Variants in KCMF1 observed in about 807,000 individuals in gnomAD.
KCMF1 encodes the protein E3 ubiquitin-protein ligase KCMF1.
Under a neutral mutation model 41.1 loss-of-function variants are expected in KCMF1, and 3 were observed. The observed-to-expected ratio is 0.07, with a 90% CI of 0.03 to 0.19. The LOEUF is 0.19. Ranked by LOEUF, KCMF1 falls within the 10% of genes least tolerant of loss-of-function variation. KCMF1 has a pLI of 1.00. For missense variants in KCMF1, 286 were observed against 488.9 expected (o/e 0.58, Z 3.91); for synonymous variants, 142 against 164.5 (o/e 0.86, Z 1.04).
rs796198811 is a variant in KCMF1 at position 85,008,305 on chromosome 2, A to T, written c.17-19584A>T. Among the ~76,000 whole-genome samples the T allele has an allele frequency of 2.4e-3, 22 of 9,034 alleles. 2 individuals are homozygous for T. Among genetic ancestry groups the T allele is most frequent in the African/African-American group, 5.6e-3 (22 of 3,894 alleles). The allele number at this position is 9,034 out of a possible 152,430, so 5.9% of individuals were successfully genotyped here. On this transcript the variant is annotated intron_variant, in intron 1 of 6. Coordinates refer to ENST00000409785, the MANE Select transcript of KCMF1 (RefSeq NM_020122.5). Reference sequence around the variant, plus strand: ...ATGATATATAATATATATAATATATAATATGATATATATATCATATATAAT... The same window carrying T: ...ATGATATATAATATATATAATATATTATATGATATATATATCATATATAAT...
chr2:85,002,635 T>C (rs1405539729), intron 1 of KCMF1, among the ~76,000 whole-genome samples: 2 of 151,610 alleles, frequency 1.3e-5, no homozygotes, highest in Non-Finnish European at 2.9e-5. Flanking sequence ...TTCACTAATA[T>C]CCCTTTTCTG....
At chr2:84,985,949 T>G (rs561202720) in intron 1 of KCMF1, among the ~76,000 whole-genome samples, 1 of 152,298 alleles carries the variant, frequency 6.6e-6, no homozygotes, top group South Asian at 2.1e-4. Context: ...GTCACATACA[T>G]ATGTAATGAA....
chr2:84,994,189 C>G (rs1361922376), intron 1 of KCMF1, among the ~76,000 whole-genome samples: 1 of 152,134 alleles, frequency 6.6e-6, no homozygotes, highest in Non-Finnish European at 1.5e-5. Flanking sequence ...ACCCTGTGAT[C>G]CGCCCATCTC....
intron 3 of KCMF1, among the ~76,000 whole-genome samples, chr2:85,043,263 C>G (rs988203456): frequency 2.0e-5 from 3 of 151,792 alleles, no homozygotes; most frequent in Non-Finnish European, 4.4e-5. Flanking sequence ...CTAAATAGCA[C>G]ATTTTAAAGT....
In KCMF1 at chr2:85,056,826, TTC is replaced by T. The variant is rs1367747284; in HGVS notation, c.*3419_*3420del. The T allele has an allele frequency of 6.6e-6, 1 of 152,200 alleles. No individual in the cohort carries two copies. The highest frequency in any genetic ancestry group is 1.5e-5 in the Non-Finnish European group (1 of 68,032). 9.4% of individuals were successfully genotyped at this position (152,200 alleles called of 1,614,324 possible). Reference sequence around the variant, plus strand: ...TGTTTACTATATATGACATGCCTGTTTCTTAGTTTGCATGCACAGTTTAAGGG... The same window carrying T: ...TGTTTACTATATATGACATGCCTGTTTTAGTTTGCATGCACAGTTTAAGGG... On this transcript the variant is annotated 3_prime_UTR_variant, in exon 7 of 7. Coordinates refer to ENST00000409785, the MANE Select transcript of KCMF1 (RefSeq NM_020122.5).
chr2:85,011,911 A>G (rs1674662111), intron 1 of KCMF1, among the ~76,000 whole-genome samples: 1 of 152,192 alleles, frequency 6.6e-6, no homozygotes, highest in Non-Finnish European at 1.5e-5. Flanking sequence ...TGTCCCGCTA[A>G]TAGTTAGAAC....
rs189632373 is a variant in KCMF1, at chr2:84,987,931, T to C, written c.16+16464T>C. On this transcript the variant is annotated intron_variant, in intron 1 of 6. Transcript: ENST00000409785. ...TACTTGTCTGTCTGCTTTAAAAATGTAGGCTTCTGCCGGGCACAGTGGCTC... is the reference window on the plus strand; with the variant it reads ...TACTTGTCTGTCTGCTTTAAAAATGCAGGCTTCTGCCGGGCACAGTGGCTC... 3.3e-4 allele frequency among the ~76,000 whole-genome samples: 50 copies of C among 152,186 alleles called. No individual in the cohort carries two copies. In the East Asian group the frequency reaches 9.5e-3, roughly 29 times the overall value.
chr2:85,046,664 GTTC>G (rs1399126894), intron 5 of KCMF1, among the ~76,000 whole-genome samples: 1 of 151,556 alleles, frequency 6.6e-6, no homozygotes, highest in Non-Finnish European at 1.5e-5. Context: ...TGAGATTTGT[GTTC>G]TTAAGTCTCA....
intron 2 of KCMF1, among the ~76,000 whole-genome samples, chr2:85,029,796 C>T (rs1444221797): frequency 6.6e-6 from 1 of 151,232 alleles, no homozygotes; most frequent in Non-Finnish European, 1.5e-5. Flanking sequence ...ATTCTCCTGC[C>T]TCAGCCTCCT....
chr2:85,000,652 GA>G (rs1213786625), intron 1 of KCMF1, among the ~76,000 whole-genome samples: 10 of 151,926 alleles, frequency 6.6e-5, no homozygotes, highest in Admixed American at 6.6e-4. Context: ...AATCCTAAAT[GA>G]AGCAAAACAA....
At chr2:84,987,924 A>T (rs915806126) in intron 1 of KCMF1, among the ~76,000 whole-genome samples, 2 of 152,146 alleles carry the variant, frequency 1.3e-5, no homozygotes, top group Non-Finnish European at 2.9e-5. Context: ...TGTCTGCTTT[A>T]AAAATGTAGG....
At chr2:85,026,501 A>ATTATTT (rs1675109860) in intron 1 of KCMF1, among the ~76,000 whole-genome samples, 3 of 141,498 alleles carry the variant, frequency 2.1e-5, no homozygotes, top group African/African-American at 8.0e-5. Context: ...TATTATTTTT[A>ATTATTT]TTTTTTCCAG....
intron 1 of KCMF1, among the ~76,000 whole-genome samples, chr2:85,008,255 T>TAA (rs1491266401): frequency 1.4e-4 from 9 of 64,022 alleles, no homozygotes; most frequent in African/African-American, 5.4e-4. Context: ...ATGATATATA[T>TAA]TATATATCAT....
At chr2:85,028,744 C>T (rs899898808) in intron 2 of KCMF1, among the ~76,000 whole-genome samples, 11 of 150,316 alleles carry the variant, frequency 7.3e-5, no homozygotes, top group African/African-American at 2.7e-4. Context: ...CTGCCTCGGC[C>T]TCCAAAGTGC....
intron 1 of KCMF1, among the ~76,000 whole-genome samples, chr2:84,985,469 ATTT>A (rs1673877754): frequency 6.6e-6 from 1 of 152,112 alleles, no homozygotes; most frequent in Admixed American, 6.6e-5. Context: ...CTATTACTCT[ATTT>A]AACTGATGTT....
chr2:84,980,141 T>G (rs982713944), intron 1 of KCMF1, among the ~76,000 whole-genome samples: 3 of 152,126 alleles, frequency 2.0e-5, no homozygotes, highest in African/African-American at 4.8e-5. Flanking sequence ...CAGTTATTTT[T>G]ATATGTTAGC....
intron 3 of KCMF1, among the ~76,000 whole-genome samples, chr2:85,036,242 C>G (rs1171287031): frequency 6.6e-6 from 1 of 152,192 alleles, no homozygotes; most frequent in Non-Finnish European, 1.5e-5. Flanking sequence ...CAGAAATGCT[C>G]TGATCTTTTA....
chr2:84,991,985 T>A (rs1674050751), intron 1 of KCMF1, among the ~76,000 whole-genome samples: 1 of 152,174 alleles, frequency 6.6e-6, no homozygotes, highest in African/African-American at 2.4e-5. Context: ...AGGCCACACT[T>A]CTGCAATGGA....
intron 2 of KCMF1, 87 bp from the exon 3 acceptor site, chr2:85,034,929 T>C (rs28455924): frequency 8.4e-7 from 1 of 1,195,556 alleles, no homozygotes; most frequent in African/African-American, 1.5e-5. Context: ...GCCCACACTT[T>C]CTTTTTTACA....
Sources: gnomAD v4.1 joint callset for allele counts (sites outside exome capture counted in the v4.1 genomes callset) on GRCh38, gnomAD v4.1.1 for gene constraint, MANE v1.5 for transcripts, NCBI Gene and HGNC (gene_info 2026-07-23, HGNC 2026-07-21) for gene names.